FSTL1: variants seen among roughly 807,000 people sequenced by gnomAD.
FSTL1 encodes the protein follistatin-related protein 1.
FSTL1 carries 24 observed loss-of-function variants against 45.9 expected under a neutral mutation model. The observed-to-expected ratio is 0.52, with a 90% CI of 0.38 to 0.74. The LOEUF (loss-of-function observed/expected upper bound fraction) is 0.74. Among genes scored for constraint, FSTL1 ranks in the 30% least tolerant of loss-of-function variants. The pLI, the probability that FSTL1 is intolerant of heterozygous loss-of-function variation, is 0.00. For synonymous variants in FSTL1, 120 were observed against 137.6 expected (o/e 0.87, Z 0.89); for missense variants, 340 against 381.8 (o/e 0.89, Z 0.91).
At chr3:120,448,513 G>A (rs368976016) in intron 2 of FSTL1, among the ~76,000 whole-genome samples, 2 of 152,302 alleles carry the variant, frequency 1.3e-5, no homozygotes, top group African/African-American at 4.8e-5. Context: ...CAGGAGGTTG[G>A]AATAATTAAA....
Position 120,450,709 on chromosome 3 carries a change from A to G in FSTL1, c.38T>C (p.Val13Ala), listed in dbSNP as rs1438685289. The G allele has an allele frequency of 9.3e-7, 1 of 1,079,160 alleles. No homozygotes were observed. Among genetic ancestry groups the G allele is most frequent in the Non-Finnish European group, 1.3e-6 (1 of 778,984 alleles). 66.8% of individuals were successfully genotyped at this position (1,079,160 alleles called of 1,614,324 possible). The change falls in exon 2 of 11, where the codon GTG becomes GCG. Residue 13 changes from valine to alanine, a missense_variant. Physicochemically the swap from Val to Ala is moderately conservative, Grantham distance 64. Coordinates refer to ENST00000295633, the MANE Select transcript of FSTL1 (RefSeq NM_007085.5). ...CTCGGCGCGGACCCAGGCGACCGCCACCAGCGCGAGCGCGAGCGCGAGCCA... is the reference window on the plus strand; with the variant it reads ...CTCGGCGCGGACCCAGGCGACCGCCGCCAGCGCGAGCGCGAGCGCGAGCCA... ...KRWLALALAL[V>A]AVAWVRAEEE... is the part of the protein sequence containing the mutation.
At chr3:120,398,722 A>G (rs976450801) in intron 10 of FSTL1, among the ~76,000 whole-genome samples, 4 of 152,210 alleles carry the variant, frequency 2.6e-5, no homozygotes, top group African/African-American at 4.8e-5. Flanking sequence ...TCCTTGCCTC[A>G]GCATCTGCTC....
intron 2 of FSTL1, among the ~76,000 whole-genome samples, chr3:120,433,458 T>C (rs1307948771): frequency 6.6e-6 from 1 of 152,194 alleles, no homozygotes; most frequent in Non-Finnish European, 1.5e-5. Flanking sequence ...TATGAGACAT[T>C]TGGCCTTATT....
intron 6 of FSTL1, among the ~76,000 whole-genome samples, chr3:120,406,471 C>A (rs1680882615): frequency 6.6e-6 from 1 of 152,170 alleles, no homozygotes; most frequent in Non-Finnish European, 1.5e-5. Context: ...CAAGTGGGCA[C>A]CATGAACCTG....
rs1486243555 is a variant in FSTL1 at position 120,409,606 on chromosome 3, C to T, written c.388G>A (p.Glu130Lys). 1.9e-6 allele frequency: 3 copies of T among 1,613,892 alleles called. No homozygotes were observed. The highest frequency in any genetic ancestry group is 2.7e-5 in the African/African-American group (2 of 74,936). Residue 130 changes from glutamate to lysine, a missense_variant, in exon 6 of 11, where the codon GAA (glutamate) becomes AAA (lysine). Coordinates refer to ENST00000295633, the MANE Select transcript of FSTL1 (RefSeq NM_007085.5). Reference protein sequence around the residue: ...ELRRRIIQWLEAEIIPDGWFS... With the variant: ...ELRRRIIQWLKAEIIPDGWFS... ...CAGCCATCTGGAATGATCTCAGCTT[C>T]CAGCCACTGGATGATGCGACGTCGG...
At chr3:120,402,368 T>C (rs1936842918) in intron 9 of FSTL1, among the ~76,000 whole-genome samples, 2 of 152,156 alleles carry the variant, frequency 1.3e-5, no homozygotes, top group Admixed American at 6.5e-5. Flanking sequence ...GCCTGGCACA[T>C]GGTTTTTGCT....
At chr3:120,405,437 G>C (rs1038915692) in intron 6 of FSTL1, among the ~76,000 whole-genome samples, 26 of 152,194 alleles carry the variant, frequency 1.7e-4, no homozygotes, top group African/African-American at 6.3e-4. Flanking sequence ...ATGACCCTCT[G>C]AGCTCACTTT....
At chr3:120,412,816 ATG>A (rs10560457) in intron 3 of FSTL1, among the ~76,000 whole-genome samples, 58,615 of 128,778 alleles carry the variant, frequency 0.46, 12,579 homozygotes, top group African/African-American at 0.53. Context: ...ACACACACAC[ATG>A]TGCGCGCGCG....
At chr3:120,447,017 C>G (rs974001382) in intron 2 of FSTL1, among the ~76,000 whole-genome samples, 2 of 152,142 alleles carry the variant, frequency 1.3e-5, no homozygotes, top group African/African-American at 4.8e-5. Flanking sequence ...ATAGTGACAG[C>G]AGAGACATCC....
At position 120,414,023 on chromosome 3, in the gene FSTL1, T is replaced by C. The variant is rs1455792988; in HGVS notation, c.168+1900A>G. ...GTCTCCAGCCCCTAACCGCAAGTGA[T>C]CCGCCAGCCTCGGCCTCCCGAGGTG... On this transcript the variant is annotated intron_variant, in intron 3 of 10. Coordinates refer to ENST00000295633, the MANE Select transcript of FSTL1 (RefSeq NM_007085.5). Among the ~76,000 whole-genome samples, 16 of 151,924 alleles carry C rather than the reference T, an allele frequency of 1.1e-4. No homozygotes were observed. The East Asian group carries it at 2.9e-3, about 28-fold the overall frequency.
chr3:120,432,519 C>G (rs976855601), intron 2 of FSTL1, among the ~76,000 whole-genome samples: 1 of 152,012 alleles, frequency 6.6e-6, no homozygotes, highest in Admixed American at 6.6e-5. Context: ...TGCACAAAGA[C>G]CTCCTTTTTT....
intron 2 of FSTL1, among the ~76,000 whole-genome samples, chr3:120,422,528 T>A (rs1373105339): frequency 6.6e-6 from 1 of 152,192 alleles, no homozygotes; most frequent in Non-Finnish European, 1.5e-5. Flanking sequence ...AAAATTATTT[T>A]AAAATGTCAT....
At chr3:120,401,688 T>G (rs1379049576) in intron 9 of FSTL1, among the ~76,000 whole-genome samples, 1 of 151,968 alleles carries the variant, frequency 6.6e-6, no homozygotes, top group African/African-American at 2.4e-5. Context: ...GCTCAGGTGA[T>G]CCTCCCACTT....
intron 9 of FSTL1, among the ~76,000 whole-genome samples, chr3:120,402,196 A>T (rs914346761): frequency 4.6e-5 from 7 of 152,190 alleles, no homozygotes; most frequent in African/African-American, 1.7e-4. Context: ...TTTAAAAAAG[A>T]TTACCCATCT....
chr3:120,450,946 G>T lies in FSTL1; in HGVS notation c.-50C>A, dbSNP rs1937886878. 2.1e-6 allele frequency: 1 copy of T among 474,730 alleles called. No homozygotes were observed. The highest frequency in any genetic ancestry group is 3.5e-5 in the South Asian group (1 of 28,816). 29.4% of individuals were successfully genotyped at this position (474,730 alleles called of 1,614,324 possible). The stretch of plus-strand genomic sequence containing the variant: ...GGGCGCGGGGCAGGACGGCGGCAGC[G>T]AGCTGTAAGCGGAGGTGGGAGCTCC... On this transcript the variant is annotated 5_prime_UTR_variant, in exon 1 of 11. Transcript: ENST00000295633.
At chr3:120,407,552 T>A (rs1936970866) in intron 6 of FSTL1, among the ~76,000 whole-genome samples, 1 of 152,202 alleles carries the variant, frequency 6.6e-6, no homozygotes, top group Non-Finnish European at 1.5e-5. Flanking sequence ...TTCAATTTGG[T>A]TTTTGAACAA....
rs532351664 is a variant in FSTL1, at chr3:120,425,452, TAAG to T, written c.64-9428_64-9426del. 5.9e-5 allele frequency among the ~76,000 whole-genome samples: 9 copies of T among 152,088 alleles called. 1 individual carries two copies. Among genetic ancestry groups the T allele is most frequent in the African/African-American group, 2.2e-4 (9 of 41,510 alleles). ...CAGGCAGAGGCAGTGATGTCCTGTG[TAAG>T]AAGAATTAATGCAGGAGGACTGAAA... On this transcript the variant is annotated intron_variant, in intron 2 of 10. Coordinates refer to ENST00000295633, the MANE Select transcript of FSTL1 (RefSeq NM_007085.5).
At chr3:120,420,928 A>G (rs1937264986) in intron 2 of FSTL1, among the ~76,000 whole-genome samples, 1 of 152,220 alleles carries the variant, frequency 6.6e-6, no homozygotes, top group African/African-American at 2.4e-5. Flanking sequence ...AAATGTCTTG[A>G]ATCCAAGGTC....
rs1936666357 is a variant in FSTL1 at position 120,394,949 on chromosome 3, G to A, written c.*2003C>T. The A allele has an allele frequency of 6.6e-6, 1 of 152,210 alleles. No homozygotes were observed. Among genetic ancestry groups the A allele is most frequent in the African/African-American group, 2.4e-5 (1 of 41,422 alleles). 9.4% of individuals were successfully genotyped at this position (152,210 alleles called of 1,614,324 possible). ...GTGGTTTCTTGCTTTTAACAAATTG[G>A]TGTACTCTTGCCCTCCTCCCATAGT... is the stretch of plus-strand genomic sequence containing the variant. On this transcript the variant is annotated 3_prime_UTR_variant, in exon 11 of 11. Coordinates refer to ENST00000295633, the MANE Select transcript of FSTL1 (RefSeq NM_007085.5).
Sources: allele counts gnomAD v4.1 joint callset (sites outside exome capture counted in the v4.1 genomes callset), GRCh38; gene constraint gnomAD v4.1.1; transcripts MANE v1.5; gene names NCBI Gene and HGNC (gene_info 2026-07-23, HGNC 2026-07-21).